Variants in HIVEP2 observed in about 807,000 individuals in gnomAD.
HIVEP2 encodes HIVEP zinc finger 2.
HIVEP2 carries 14 observed loss-of-function variants against 180.7 expected under a neutral mutation model. The observed-to-expected ratio is 0.08, with a 90% CI of 0.05 to 0.12. The LOEUF (loss-of-function observed/expected upper bound fraction) is 0.12. Ranked by LOEUF, HIVEP2 falls within the 10% of genes least tolerant of loss-of-function variation. HIVEP2 has a pLI of 1.00. For missense variants in HIVEP2, 2,579 were observed against 3,008.5 expected, an observed-to-expected ratio of 0.86 and a Z score of 3.34; for synonymous variants, 1,184 against 1,136.4, an observed-to-expected ratio of 1.04 and a Z score of -0.84.
At chr6:142,857,946 C>T (rs957382510) in intron 1 of HIVEP2, among the ~76,000 whole-genome samples, 1 of 152,136 alleles carries the variant, frequency 6.6e-6, no homozygotes, top group African/African-American at 2.4e-5. Flanking sequence ...TTGCCCCAGG[C>T]AGCTGTCCCC....
At chr6:142,888,543 T>C (rs1776768443) in intron 1 of HIVEP2, among the ~76,000 whole-genome samples, 1 of 152,220 alleles carries the variant, frequency 6.6e-6, no homozygotes, top group Admixed American at 6.5e-5. Flanking sequence ...TTCATGGGCT[T>C]ATGCTCATTG....
At position 142,781,610 on chromosome 6, in the gene HIVEP2, C is replaced by T. The variant is rs140939542; in HGVS notation, c.-433+1911G>A. Among the ~76,000 whole-genome samples, 116 of 152,244 alleles carry T rather than the reference C, an allele frequency of 7.6e-4. 1 individual carries two copies. Among genetic ancestry groups the T allele is most frequent in the African/African-American group, 2.7e-3 (114 of 41,518 alleles). ...GGGGATCATGTTAAAAAAGAGATTA[C>T]CTCTGCATGGCTATTTCAGTGGTAA... is the stretch of plus-strand genomic sequence containing the variant. On this transcript the variant is annotated intron_variant, in intron 3 of 9. Transcript: ENST00000367603.
At chr6:142,912,736 G>A (rs915554057) in intron 1 of HIVEP2, among the ~76,000 whole-genome samples, 5 of 152,222 alleles carry the variant, frequency 3.3e-5, no homozygotes, top group African/African-American at 1.2e-4. Flanking sequence ...ACAATCTAAT[G>A]TCTGATGATC....
At chr6:142,812,760 C>A (rs923441454) in intron 2 of HIVEP2, among the ~76,000 whole-genome samples, 1 of 151,912 alleles carries the variant, frequency 6.6e-6, no homozygotes, top group Non-Finnish European at 1.5e-5. Flanking sequence ...TAAGTGGAAA[C>A]AATATGGAAA....
chr6:142,944,521 G>A (rs1480955592), intron 1 of HIVEP2, among the ~76,000 whole-genome samples: 1 of 152,124 alleles, frequency 6.6e-6, no homozygotes, highest in African/African-American at 2.4e-5. Flanking sequence ...GGCGGGGGGT[G>A]GGGGTGAAAG....
intron 1 of HIVEP2, among the ~76,000 whole-genome samples, chr6:142,880,543 G>A (rs950680471): frequency 2.6e-5 from 4 of 152,154 alleles, no homozygotes; most frequent in African/African-American, 9.7e-5. Flanking sequence ...ATTCTCTGAG[G>A]CCTGGGAGCT....
chr6:142,887,650 C>T (rs1172700813), intron 1 of HIVEP2, among the ~76,000 whole-genome samples: 2 of 152,134 alleles, frequency 1.3e-5, no homozygotes, highest in African/African-American at 2.4e-5. Flanking sequence ...GTTAAATTTA[C>T]TATCAACAGA....
chr6:142,807,031 A>C (rs1776570990), intron 2 of HIVEP2, among the ~76,000 whole-genome samples: 1 of 152,198 alleles, frequency 6.6e-6, no homozygotes, highest in Non-Finnish European at 1.5e-5. Flanking sequence ...AGGATGACTC[A>C]ACAGGGGATA....
chr6:142,819,614 A>G (rs1424701680), intron 2 of HIVEP2, among the ~76,000 whole-genome samples: 1 of 152,162 alleles, frequency 6.6e-6, no homozygotes, highest in African/African-American at 2.4e-5. Flanking sequence ...ACTATTCAGG[A>G]TGTTAACAGT....
intron 1 of HIVEP2, among the ~76,000 whole-genome samples, chr6:142,838,588 A>G (rs1775282665): frequency 6.6e-6 from 1 of 152,118 alleles, no homozygotes; most frequent in Non-Finnish European, 1.5e-5. Context: ...TTTGGTAGCT[A>G]GCTTCATAAT....
intron 1 of HIVEP2, among the ~76,000 whole-genome samples, chr6:142,854,632 C>T (rs570186548): frequency 1.1e-4 from 16 of 152,244 alleles, no homozygotes; most frequent in African/African-American, 3.6e-4. Flanking sequence ...AGAAAGGGCA[C>T]GGGATGAACT....
At chr6:142,810,359 C>T (rs570963089) in intron 2 of HIVEP2, among the ~76,000 whole-genome samples, 1 of 151,856 alleles carries the variant, frequency 6.6e-6, no homozygotes, top group African/African-American at 2.4e-5. Flanking sequence ...ATACATAGTC[C>T]ACATCTTTGG....
chr6:142,866,178 C>T (rs1237772281), intron 1 of HIVEP2, among the ~76,000 whole-genome samples: 1 of 152,194 alleles, frequency 6.6e-6, no homozygotes, highest in African/African-American at 2.4e-5. Context: ...GGCTCTGCCT[C>T]TAATGCCCTC....
rs920210387 is a variant in HIVEP2, at chr6:142,751,797, C to T, written c.*1310G>A. On this transcript the variant is annotated 3_prime_UTR_variant, in exon 10 of 10. Transcript: ENST00000367603. ...CCCCCTGAGATAGCCAGGAGTGTGA[C>T]ACTCTTCCCCTATGAAAAAGGGTAA... is the stretch of plus-strand genomic sequence containing the variant. 3 of 152,140 alleles carry T rather than the reference C, an allele frequency of 2.0e-5. No homozygotes were observed. Among genetic ancestry groups the T allele is most frequent in the African/African-American group, 7.3e-5 (3 of 40,886 alleles). 9.4% of individuals were successfully genotyped at this position (152,140 alleles called of 1,614,324 possible). A position where few individuals can be genotyped will look rare whatever the true frequency, so the allele number is the denominator to read the frequency against.
intron 1 of HIVEP2, among the ~76,000 whole-genome samples, chr6:142,860,991 T>C (rs1775964541): frequency 6.6e-6 from 1 of 152,202 alleles, no homozygotes; most frequent in Non-Finnish European, 1.5e-5. Context: ...AAGTCAACTA[T>C]CATTTCACAG....
intron 1 of HIVEP2, among the ~76,000 whole-genome samples, chr6:142,917,571 T>C (rs1456213263): frequency 2.0e-5 from 3 of 152,220 alleles, no homozygotes; most frequent in African/African-American, 7.2e-5. Flanking sequence ...TCCTAACTTA[T>C]TTCATTAAAT....
intron 1 of HIVEP2, among the ~76,000 whole-genome samples, chr6:142,884,764 T>A (rs1048296452): frequency 6.6e-6 from 1 of 152,180 alleles, no homozygotes; most frequent in African/African-American, 2.4e-5. Context: ...CTGATGCTAG[T>A]GACTAAATCT....
At chr6:142,842,389 G>A (rs935338186) in intron 1 of HIVEP2, among the ~76,000 whole-genome samples, 7 of 152,014 alleles carry the variant, frequency 4.6e-5, no homozygotes, top group African/African-American at 1.5e-4. Context: ...GGAATCTTAT[G>A]GTTTACATAA....
At chr6:142,869,372 AT>A (rs1267347034) in intron 1 of HIVEP2, among the ~76,000 whole-genome samples, 8 of 152,236 alleles carry the variant, frequency 5.3e-5, no homozygotes, top group African/African-American at 1.9e-4. Context: ...AAACAAATTC[AT>A]TTGATAAATA....
Sources: gnomAD v4.1 joint callset for allele counts (sites outside exome capture counted in the v4.1 genomes callset) on GRCh38, gnomAD v4.1.1 for gene constraint, MANE v1.5 for transcripts, NCBI Gene and HGNC (gene_info 2026-07-23, HGNC 2026-07-21) for gene names.